PDE8B: variants seen among roughly 807,000 people sequenced by gnomAD.
PDE8B encodes the protein high affinity cAMP-specific and IBMX-insensitive 3',5'-cyclic phosphodiesterase 8B.
In PDE8B, 26 loss-of-function variants were observed where a neutral mutation model predicts 101.3. The observed-to-expected ratio is 0.26, with a 90% CI of 0.19 to 0.36. The LOEUF is 0.36. PDE8B is among the 10% of genes least tolerant of loss of function. The probability of loss-of-function intolerance (pLI) is 1.00; values close to 1 mark genes in which losing one functional copy is unlikely to be tolerated. For synonymous variants in PDE8B, 424 were observed against 429.3 expected (o/e 0.99, Z 0.15); for missense variants, 810 against 1,163.1 (o/e 0.70, Z 4.42).
chr5:77,248,696 A>C (rs1757463489), intron 1 of PDE8B, among the ~76,000 whole-genome samples: 1 of 152,210 alleles, frequency 6.6e-6, no homozygotes, highest in Non-Finnish European at 1.5e-5. Flanking sequence ...CTGGAAATTT[A>C]CACATCGTAT....
intron 10 of PDE8B, among the ~76,000 whole-genome samples, chr5:77,369,223 AAAG>A (rs1449386911): frequency 2.0e-5 from 3 of 151,728 alleles, no homozygotes; most frequent in South Asian, 2.1e-4. Context: ...AAAAAAAAAA[AAAG>A]AAGAGATAGA....
chr5:77,302,546 G>A (rs753584860), intron 1 of PDE8B, among the ~76,000 whole-genome samples: 1 of 152,192 alleles, frequency 6.6e-6, no homozygotes, highest in Non-Finnish European at 1.5e-5. Flanking sequence ...TGTGCACACC[G>A]ACTTCCCTAC....
At chr5:77,287,232 T>TTTATTA (rs962550735) in intron 1 of PDE8B, among the ~76,000 whole-genome samples, 56 of 151,944 alleles carry the variant, frequency 3.7e-4, no homozygotes, top group African/African-American at 1.3e-3. Context: ...TGGAAATTCT[T>TTTATTA]TTATTATTAT....
chr5:77,107,097 T>C, the PDE8B span, among the ~76,000 whole-genome samples: 1 of 151,988 alleles, frequency 6.6e-6, no homozygotes, highest in Non-Finnish European at 1.5e-5. Flanking sequence ...TTCCCCTTCC[T>C]GTGTCCAAGT....
rs115180376 is a variant in PDE8B, at chr5:77,226,456, G to A, written c.339+15192G>A. ...CTGCATAGTATACCATCATGTGGCT[G>A]TACTTTGTTTTATTCAGCCAGTCCC... On this transcript the variant is annotated intron_variant, in intron 1 of 21. Coordinates refer to ENST00000264917, the MANE Select transcript of PDE8B (RefSeq NM_003719.5). Among the ~76,000 whole-genome samples the A allele has an allele frequency of 3.8e-3, 585 of 152,252 alleles. 3 individuals are homozygous for A. Among genetic ancestry groups the A allele is most frequent in the African/African-American group, 0.013 (541 of 41,552 alleles).
the PDE8B span, chr5:77,118,730 G>T: frequency 1.0e-5 from 2 of 193,636 alleles, no homozygotes; most frequent in Non-Finnish European, 2.1e-5. Flanking sequence ...CCAGCCAGAG[G>T]TGCAGTTTTC....
intron 2 of PDE8B, among the ~76,000 whole-genome samples, chr5:77,318,055 C>CAAAAAAAAAAA (rs55952764): frequency 5.2e-5 from 3 of 57,170 alleles, no homozygotes; most frequent in African/African-American, 1.4e-4. Flanking sequence ...GACTCCATCT[C>CAAAAAAAAAAA]AAAAAAAAAA....
At chr5:77,245,047 G>C (rs1756575984) in intron 1 of PDE8B, among the ~76,000 whole-genome samples, 2 of 152,186 alleles carry the variant, frequency 1.3e-5, no homozygotes, top group Admixed American at 1.3e-4. Context: ...TGTATCTTAA[G>C]GGAAACCTTA....
rs367960316 is a variant in PDE8B, at chr5:77,385,470, ATCT to A, written c.1168-14772_1168-14770del. ...CTTTTTAAGGGTTTTTCGTGTTTCT[ATCT>A]TCTTCAATTCTGCTCTGATCTTAGT... On this transcript the variant is annotated intron_variant, in intron 10 of 21. Transcript: ENST00000264917. 9.1e-3 allele frequency among the ~76,000 whole-genome samples: 1,309 copies of A among 143,732 alleles called. 9 individuals are homozygous for A. Among genetic ancestry groups the A allele is most frequent in the Middle Eastern group, 0.019 (5 of 270 alleles). 94.3% of individuals were successfully genotyped at this position (143,732 alleles called of 152,430 possible).
At chr5:77,272,321 A>G (rs992323848) in intron 1 of PDE8B, among the ~76,000 whole-genome samples, 6 of 152,206 alleles carry the variant, frequency 3.9e-5, no homozygotes, top group African/African-American at 1.4e-4. Context: ...GAGAACAGCC[A>G]AGTAACCTTG....
At chr5:77,235,166 G>A (rs949655232) in intron 1 of PDE8B, among the ~76,000 whole-genome samples, 1 of 152,132 alleles carries the variant, frequency 6.6e-6, no homozygotes, top group African/African-American at 2.4e-5. Flanking sequence ...TAATCCCATA[G>A]CCCTACCCTA....
intron 1 of PDE8B, among the ~76,000 whole-genome samples, chr5:77,212,848 G>C (rs1275795519): frequency 6.6e-6 from 1 of 152,172 alleles, no homozygotes; most frequent in African/African-American, 2.4e-5. Context: ...GATATTATCA[G>C]TAAAGACCAT....
chr5:77,104,098 C>G, the PDE8B span, among the ~76,000 whole-genome samples: 9 of 152,154 alleles, frequency 5.9e-5, no homozygotes, highest in South Asian at 1.9e-3. Flanking sequence ...CCTTCCTTCC[C>G]CACAGAAAGC....
At chr5:77,131,779 CT>C in the PDE8B span, among the ~76,000 whole-genome samples, 19 of 151,956 alleles carry the variant, frequency 1.3e-4, no homozygotes, top group Admixed American at 2.0e-4. Context: ...TAACAAAAGG[CT>C]TTTTTTGGGT....
chr5:77,172,208 C>G, the PDE8B span, among the ~76,000 whole-genome samples: 3 of 152,264 alleles, frequency 2.0e-5, no homozygotes, highest in East Asian at 5.8e-4. Context: ...TTGGCAAACT[C>G]AGGGACTGGG....
At chr5:77,307,943 G>A (rs1214754883) in intron 1 of PDE8B, among the ~76,000 whole-genome samples, 1 of 152,182 alleles carries the variant, frequency 6.6e-6, no homozygotes, top group Admixed American at 6.5e-5. Context: ...AAGAGTCTGT[G>A]CATCTGCAGT....
intron 20 of PDE8B, among the ~76,000 whole-genome samples, chr5:77,424,238 C>G (rs763069271): frequency 1.3e-5 from 2 of 152,140 alleles, no homozygotes; most frequent in South Asian, 2.1e-4. Context: ...GAGGACCTGA[C>G]GTACTACTCC....
At chr5:77,398,318 CTTTTTTTTTTTTT>C (rs70988672) in intron 10 of PDE8B, among the ~76,000 whole-genome samples, 1 of 116,010 alleles carries the variant, frequency 8.6e-6, no homozygotes, top group Non-Finnish European at 1.7e-5. Context: ...AGCTGTTTTA[CTTTTTTTTTTTTT>C]TTTTTTTTGA....
intron 1 of PDE8B, among the ~76,000 whole-genome samples, chr5:77,277,608 G>A (rs1350092370): frequency 1.3e-5 from 2 of 152,098 alleles, no homozygotes; most frequent in African/African-American, 2.4e-5. Flanking sequence ...TTTAAAATCT[G>A]TGTCCTGTTT....
Sources: gnomAD v4.1 joint callset for allele counts (sites outside exome capture counted in the v4.1 genomes callset) on GRCh38, gnomAD v4.1.1 for gene constraint, MANE v1.5 for transcripts, NCBI Gene and HGNC (gene_info 2026-07-23, HGNC 2026-07-21) for gene names.